Variants in KIAA1958 observed in about 807,000 individuals in gnomAD.
The protein encoded by KIAA1958 is uncharacterized protein KIAA1958.
A neutral mutation model predicts 47.2 loss-of-function variants in KIAA1958; 14 were observed. The ratio of observed to expected loss-of-function variants is 0.30; its 90% CI spans 0.20 to 0.46. KIAA1958 has a LOEUF of 0.46. Ranked by LOEUF, KIAA1958 falls within the 20% of genes least tolerant of loss-of-function variation. The pLI, the probability that KIAA1958 is intolerant of heterozygous loss-of-function variation, is 1.00. For synonymous variants in KIAA1958, 354 were observed against 353.3 expected (o/e 1.00, Z -0.02); for missense variants, 803 against 909.2 (o/e 0.88, Z 1.50).
intron 1 of KIAA1958, among the ~76,000 whole-genome samples, chr9:112,512,998 C>T (rs1442270049): frequency 2.4e-5 from 3 of 124,810 alleles, no homozygotes; most frequent in African/African-American, 6.5e-5. Flanking sequence ...CCACCATGCC[C>T]AGCTAATTTT....
chr9:112,505,004 G>A (rs1834209007), intron 1 of KIAA1958, among the ~76,000 whole-genome samples: 1 of 152,122 alleles, frequency 6.6e-6, no homozygotes, highest in Non-Finnish European at 1.5e-5. Context: ...TACTCTATGT[G>A]TACCCTTTAA....
At chr9:112,577,861 A>G (rs893164879) in intron 2 of KIAA1958, among the ~76,000 whole-genome samples, 7 of 151,784 alleles carry the variant, frequency 4.6e-5, no homozygotes, top group Admixed American at 4.6e-4. Context: ...TGCACTTCTT[A>G]TATTAGCTAT....
intron 3 of KIAA1958, among the ~76,000 whole-genome samples, chr9:112,648,921 A>G (rs985277671): frequency 2.0e-5 from 3 of 152,234 alleles, no homozygotes; most frequent in Admixed American, 6.5e-5. Flanking sequence ...AACTAACTAG[A>G]TTATATAACT....
intron 2 of KIAA1958, among the ~76,000 whole-genome samples, chr9:112,598,287 G>A (rs905001020): frequency 3.3e-5 from 5 of 152,210 alleles, no homozygotes; most frequent in African/African-American, 9.6e-5. Context: ...GGCCACTGTC[G>A]TTGGCATGGA....
At chr9:112,519,915 T>C (rs900360463) in intron 1 of KIAA1958, among the ~76,000 whole-genome samples, 2 of 152,196 alleles carry the variant, frequency 1.3e-5, no homozygotes, top group Non-Finnish European at 1.5e-5. Context: ...AGTGCTGATA[T>C]AAATACATCA....
In KIAA1958 at chr9:112,664,431, G is replaced by A. The variant is rs943623204; in HGVS notation, c.*4362G>A. 2.5e-4 allele frequency: 38 copies of A among 152,102 alleles called. No individual in the cohort carries two copies. Among genetic ancestry groups the A allele is most frequent in the African/African-American group, 8.0e-4 (33 of 41,416 alleles). The allele number at this position is 152,102 out of a possible 1,614,324, so 9.4% of individuals were successfully genotyped here. A position where few individuals can be genotyped will look rare whatever the true frequency, so the allele number is the denominator to read the frequency against. ...GCTAAAAACTTTTGAGCTAGTAGAC[G>A]TTACCTTTAAGCATCAATGAATGCA... On this transcript the variant is annotated 3_prime_UTR_variant, in exon 4 of 4. Transcript: ENST00000337530.
intron 2 of KIAA1958, among the ~76,000 whole-genome samples, chr9:112,641,404 G>T (rs1182671467): frequency 6.2e-5 from 8 of 129,744 alleles, no homozygotes; most frequent in Non-Finnish European, 9.7e-5. Context: ...GACAGCTCTA[G>T]TGCCTCTTGG....
chr9:112,592,659 G>A (rs1044147541), intron 2 of KIAA1958, among the ~76,000 whole-genome samples: 2 of 152,218 alleles, frequency 1.3e-5, no homozygotes, highest in African/African-American at 4.8e-5. Flanking sequence ...GATGGGAATT[G>A]TAGTTTTTAT....
chr9:112,611,669 C>G (rs1185814546), intron 2 of KIAA1958, among the ~76,000 whole-genome samples: 1 of 151,934 alleles, frequency 6.6e-6, no homozygotes, highest in Non-Finnish European at 1.5e-5. Flanking sequence ...TTTTCCTAAA[C>G]TTAGTATACA....
Position 112,655,363 on chromosome 9 carries a change from T to A in KIAA1958, c.1345-3900T>A, listed in dbSNP as rs139953761. On this transcript the variant is annotated intron_variant, in intron 3 of 3. Transcript: ENST00000337530. ...CCTCTCTGTGTCTTCCCATAATGCG[T>A]TGACTGTATTGTCATTAATCCATTC... Among the ~76,000 whole-genome samples the A allele has an allele frequency of 4.3e-4, 65 of 152,326 alleles. 1 individual carries two copies. In the East Asian group the frequency reaches 0.011, roughly 26 times the overall value.
chr9:112,589,895 G>A (rs1357127203), intron 2 of KIAA1958, among the ~76,000 whole-genome samples: 1 of 152,210 alleles, frequency 6.6e-6, no homozygotes. Context: ...ATAGTGGGGA[G>A]TAGGGATGTC....
In KIAA1958 at chr9:112,661,204, G is replaced by A. The variant is rs1224836462; in HGVS notation, c.*1135G>A. 1 of 152,206 alleles carries A rather than the reference G, an allele frequency of 6.6e-6. No homozygotes were observed. The highest frequency in any genetic ancestry group is 1.5e-5 in the Non-Finnish European group (1 of 68,038). 9.4% of individuals were successfully genotyped at this position (152,206 alleles called of 1,614,324 possible). On this transcript the variant is annotated 3_prime_UTR_variant, in exon 4 of 4. Transcript: ENST00000337530. ...ATGATTTAGGCACCCCACCAGGTAAGCAAACTCAGCATTAAGGATGTAGTT... is the reference window on the plus strand; with the variant it reads ...ATGATTTAGGCACCCCACCAGGTAAACAAACTCAGCATTAAGGATGTAGTT...
intron 1 of KIAA1958, among the ~76,000 whole-genome samples, chr9:112,558,300 A>G (rs1196798672): frequency 6.6e-6 from 1 of 152,122 alleles, no homozygotes; most frequent in Admixed American, 6.5e-5. Context: ...TCTTGAATTT[A>G]AAGTATTCAG....
Position 112,659,410 on chromosome 9 carries a change from A to G in KIAA1958, c.1492A>G (p.Ile498Val), listed in dbSNP as rs755108604. Residue 498 changes from isoleucine (I) to valine (V), a missense_variant, in exon 4 of 4, where the codon ATC becomes GTC. Ile to Val is a conservative substitution (Grantham distance 29). Transcript: ENST00000337530. Reference sequence around the variant, plus strand: ...GAAGAATGCAGGTGTCGGCTTTTCCATCACCAGCAGCACCTTCAGCTCCTC... The same window carrying G: ...GAAGAATGCAGGTGTCGGCTTTTCCGTCACCAGCAGCACCTTCAGCTCCTC... ...ILKNAGVGFS[I>V]TSSTFSSSTK... 7 of 1,614,018 alleles carry G rather than the reference A, an allele frequency of 4.3e-6. No individual in the cohort carries two copies. Among genetic ancestry groups the G allele is most frequent in the Non-Finnish European group, 5.1e-6 (6 of 1,180,020 alleles).
At chr9:112,504,988 C>T (rs1206467275) in intron 1 of KIAA1958, among the ~76,000 whole-genome samples, 1 of 152,192 alleles carries the variant, frequency 6.6e-6, no homozygotes, top group Non-Finnish European at 1.5e-5. Context: ...TTTATTCCTT[C>T]TATCTTACTC....
chr9:112,627,652 G>T (rs1836640499), intron 2 of KIAA1958, among the ~76,000 whole-genome samples: 1 of 152,202 alleles, frequency 6.6e-6, no homozygotes, highest in South Asian at 2.1e-4. Flanking sequence ...TACTTGGGAG[G>T]CTGAGGCAGG....
chr9:112,641,327 C>CTTTTTT (rs1230148640), intron 2 of KIAA1958, among the ~76,000 whole-genome samples: 2 of 101,966 alleles, frequency 2.0e-5, no homozygotes, highest in African/African-American at 3.8e-5. Flanking sequence ...GAGACTATGT[C>CTTTTTT]TTTTTTTTTT....
chr9:112,516,435 A>G (rs1306180352), intron 1 of KIAA1958, among the ~76,000 whole-genome samples: 1 of 152,244 alleles, frequency 6.6e-6, no homozygotes, highest in Non-Finnish European at 1.5e-5. Context: ...AAACTGTAAG[A>G]CATTGCTGAT....
chr9:112,652,767 G>A (rs974708637), intron 3 of KIAA1958, among the ~76,000 whole-genome samples: 14 of 152,054 alleles, frequency 9.2e-5, no homozygotes, highest in African/African-American at 3.4e-4. Context: ...GACTACAGAT[G>A]TACACCACCA....
Sources: allele counts gnomAD v4.1 joint callset (sites outside exome capture counted in the v4.1 genomes callset), GRCh38; gene constraint gnomAD v4.1.1; transcripts MANE v1.5; gene names NCBI Gene and HGNC (gene_info 2026-07-23, HGNC 2026-07-21).